DIAPH2: variants seen among roughly 807,000 people sequenced by gnomAD.
DIAPH2 encodes the protein diaphanous related formin 2.
In DIAPH2, 35 loss-of-function variants were observed where a neutral mutation model predicts 92.7. That is an observed-to-expected ratio of 0.38 (90% confidence interval 0.29 to 0.50). DIAPH2 has a LOEUF of 0.50. Ranked by LOEUF, DIAPH2 falls within the 20% of genes least tolerant of loss-of-function variation. DIAPH2 has a pLI of 0.94. For synonymous variants in DIAPH2, 301 were observed against 280.4 expected, an observed-to-expected ratio of 1.07 and a Z score of -0.73; for missense variants, 701 against 819.5, an observed-to-expected ratio of 0.86 and a Z score of 1.77.
chrX:96,902,100 C>G (rs1326287144), intron 5 of DIAPH2, among the ~76,000 whole-genome samples: 1 of 111,834 alleles, frequency 8.9e-6, no homozygotes, highest in Non-Finnish European at 1.9e-5. Flanking sequence ...TTTGAGGGTT[C>G]CTTTTGCAGT....
intron 26 of DIAPH2, among the ~76,000 whole-genome samples, chrX:97,517,925 C>G (rs1255351707): frequency 1.8e-5 from 2 of 112,391 alleles, no homozygotes; most frequent in Admixed American, 1.9e-4. Flanking sequence ...GAATAGGTGT[C>G]TGTTACAGGA....
intron 17 of DIAPH2, among the ~76,000 whole-genome samples, chrX:97,028,116 G>T (rs1011611388): frequency 3.6e-5 from 4 of 111,365 alleles, no homozygotes; most frequent in African/African-American, 9.8e-5. Flanking sequence ...ATATTTCATA[G>T]AATTTTTTTT....
At chrX:97,474,470 A>C (rs2070588380) in intron 26 of DIAPH2, among the ~76,000 whole-genome samples, 1 of 112,201 alleles carries the variant, frequency 8.9e-6, no homozygotes, top group African/African-American at 3.2e-5. Flanking sequence ...AGAGATTTTA[A>C]AGAACAGGGT....
At chrX:97,424,545 C>T (rs1046376584) in intron 25 of DIAPH2, among the ~76,000 whole-genome samples, 5 of 111,810 alleles carry the variant, frequency 4.5e-5, no homozygotes, top group African/African-American at 1.6e-4. Context: ...GTTGCTCTAG[C>T]ATAATATTTC....
chrX:97,314,753 C>T (rs2068826992), intron 23 of DIAPH2, among the ~76,000 whole-genome samples: 1 of 111,860 alleles, frequency 8.9e-6, no homozygotes, highest in South Asian at 3.7e-4. Context: ...TAGAGAAATA[C>T]TTAAATGAAT....
At chrX:96,993,051 AAAT>A (rs1356483345) in intron 17 of DIAPH2, among the ~76,000 whole-genome samples, 1 of 112,623 alleles carries the variant, frequency 8.9e-6, no homozygotes, top group African/African-American at 3.2e-5. Flanking sequence ...GTATTTACAA[AAAT>A]AATATTCTGT....
At chrX:96,827,633 T>G in intron 4 of DIAPH2, among the ~76,000 whole-genome samples, 1 of 111,732 alleles carries the variant, frequency 8.9e-6, no homozygotes, top group South Asian at 3.8e-4. Flanking sequence ...CTTAAAATTT[T>G]TGAGGACCCT....
In DIAPH2 at chrX:97,570,110, ATATAT is replaced by A. The variant is rs1569426189; in HGVS notation, c.3242-29142_3242-29138del. 2.6e-3 allele frequency among the ~76,000 whole-genome samples: 85 copies of A among 32,709 alleles called. 2 individuals are homozygous for A. Among genetic ancestry groups the A allele is most frequent in the African/African-American group, 7.7e-3 (83 of 10,787 alleles). 28.4% of individuals were successfully genotyped at this position (32,709 alleles called of 115,157 possible). ...TATATATATATATATATATATATATATATATATATATATTAGAAGATAGATAGATA... is the reference window on the plus strand; with the variant it reads ...TATATATATATATATATATATATATAATATATATTAGAAGATAGATAGATA... On this transcript the variant is annotated intron_variant, in intron 26 of 26. Transcript: ENST00000324765.
chrX:97,239,846 C>CTCTCTCTCTCTCTCTCTCTT (rs1569338178), intron 22 of DIAPH2, among the ~76,000 whole-genome samples: 2 of 108,465 alleles, frequency 1.8e-5, no homozygotes, highest in African/African-American at 6.7e-5. Context: ...CTCTCTCTCT[C>CTCTCTCTCTCTCTCTCTCTT]TCTCTCTCTC....
Position 97,242,472 on chromosome X carries a change from T to G in DIAPH2, c.2720-5243T>G, listed in dbSNP as rs752903703. On this transcript the variant is annotated intron_variant, in intron 22 of 26. Coordinates refer to ENST00000324765, the MANE Select transcript of DIAPH2 (RefSeq NM_006729.5). The stretch of plus-strand genomic sequence containing the variant: ...TCTGTCTCCCAAGTTCAAGTGATTT[T>G]CCTGTCTCAGTCTCCCGAGTATCTG... 3.4e-4 allele frequency among the ~76,000 whole-genome samples: 38 copies of G among 110,414 alleles called. 1 individual carries two copies. The highest frequency in any genetic ancestry group is 1.3e-4 in the Non-Finnish European group (7 of 52,782).
intron 22 of DIAPH2, among the ~76,000 whole-genome samples, chrX:97,200,211 C>T (rs1465128177): frequency 8.9e-6 from 1 of 112,357 alleles, no homozygotes; most frequent in Non-Finnish European, 1.9e-5. Context: ...AGGAGATTCC[C>T]TCGTATGCCT....
In DIAPH2 at chrX:96,945,545, C is replaced by A; in HGVS notation, c.1463C>A (p.Ala488Glu). 1 of 1,155,777 alleles carries A rather than the reference C, an allele frequency of 8.7e-7. No homozygotes were observed. The highest frequency in any genetic ancestry group is 3.3e-5 in the East Asian group (1 of 30,286). Residue 488 changes from alanine (A) to glutamate (E), a missense_variant, in exon 14 of 27, where the codon GCG becomes GAG. Transcript: ENST00000324765. Reference protein sequence around the residue: ...THLIDSCVNKAKVEESEQKAA... With the variant: ...THLIDSCVNKEKVEESEQKAA... ...TTAATAGATTCTTGTGTGAACAAGG[C>A]GAAAGTTGAAGAAAGTGAACAAAAA... is the stretch of plus-strand genomic sequence containing the variant.
chrX:96,792,114 GA>G (rs2147638819), intron 4 of DIAPH2, among the ~76,000 whole-genome samples: 1 of 111,616 alleles, frequency 9.0e-6, no homozygotes, highest in South Asian at 3.8e-4. Flanking sequence ...TCTAGTAGGG[GA>G]ATTTACCTAT....
At chrX:96,958,894 C>T (rs931518149) in intron 16 of DIAPH2, among the ~76,000 whole-genome samples, 8 of 111,690 alleles carry the variant, frequency 7.2e-5, no homozygotes, top group African/African-American at 2.6e-4. Flanking sequence ...ATACATATTG[C>T]TGCAAATGAC....
rs762386259 is a variant in DIAPH2, at chrX:96,907,830, A to G, written c.588-4498A>G. ...GCTTACACAGATAACTTACATGTCA[A>G]TGTTTGTATCAGCTCTATTCATAAT... On this transcript the variant is annotated intron_variant, in intron 5 of 26. Coordinates refer to ENST00000324765, the MANE Select transcript of DIAPH2 (RefSeq NM_006729.5). Among the ~76,000 whole-genome samples, 7 of 111,933 alleles carry G rather than the reference A, an allele frequency of 6.3e-5. 1 individual carries two copies. The East Asian group carries it at 2.0e-3, about 31-fold the overall frequency.
intron 26 of DIAPH2, among the ~76,000 whole-genome samples, chrX:97,439,719 C>T (rs1365918092): frequency 1.0e-5 from 1 of 98,447 alleles, no homozygotes; most frequent in Non-Finnish European, 2.0e-5. Flanking sequence ...TGCACTCCAG[C>T]CCAGGTGACA....
chrX:97,417,958 G>A (rs1381638793), intron 25 of DIAPH2, among the ~76,000 whole-genome samples: 3 of 111,154 alleles, frequency 2.7e-5, no homozygotes, highest in African/African-American at 9.8e-5. Context: ...TTGTAAACAA[G>A]TACCAGGATA....
intron 26 of DIAPH2, chrX:97,449,767 A>G (rs2070343333): frequency 2.1e-6 from 1 of 466,855 alleles, no homozygotes; most frequent in Non-Finnish European, 2.7e-6. Flanking sequence ...GAGTCCCACC[A>G]TGGTGCCCTT....
At chrX:97,174,666 C>T (rs907426153) in intron 22 of DIAPH2, among the ~76,000 whole-genome samples, 3 of 111,842 alleles carry the variant, frequency 2.7e-5, no homozygotes, top group African/African-American at 9.7e-5. Flanking sequence ...TGGGGTTCTT[C>T]GGAAACTTAA....
Sources: gnomAD v4.1 joint callset for allele counts (sites outside exome capture counted in the v4.1 genomes callset) on GRCh38, gnomAD v4.1.1 for gene constraint, MANE v1.5 for transcripts, NCBI Gene and HGNC (gene_info 2026-07-23, HGNC 2026-07-21) for gene names.